TOX: variants seen among roughly 807,000 people sequenced by gnomAD.
TOX encodes the protein thymocyte selection associated high mobility group box.
TOX carries 11 observed loss-of-function variants against 53.7 expected under a neutral mutation model. That is an observed-to-expected ratio of 0.20 (90% CI 0.13 to 0.34). The LOEUF (loss-of-function observed/expected upper bound fraction) is 0.34. Among genes scored for constraint, TOX ranks in the 10% least tolerant of loss-of-function variants. The pLI is 1.00. For missense variants in TOX, 570 were observed against 664.6 expected, an observed-to-expected ratio of 0.86 and a Z score of 1.56; for synonymous variants, 225 against 245.3, an observed-to-expected ratio of 0.92 and a Z score of 0.77.
chr8:58,952,328 T>C (rs1379322471), intron 2 of TOX, among the ~76,000 whole-genome samples: 1 of 152,232 alleles, frequency 6.6e-6, no homozygotes, highest in East Asian at 1.9e-4. Context: ...ATTCAACACA[T>C]TACTATTCTT....
chr8:59,028,523 A>G (rs1424936532), intron 1 of TOX, among the ~76,000 whole-genome samples: 2 of 152,172 alleles, frequency 1.3e-5, no homozygotes, highest in African/African-American at 4.8e-5. Flanking sequence ...ACAGATATAA[A>G]CATATATCTA....
At chr8:59,069,118 A>G (rs919834836) in intron 1 of TOX, among the ~76,000 whole-genome samples, 1 of 152,208 alleles carries the variant, frequency 6.6e-6, no homozygotes, top group Non-Finnish European at 1.5e-5. Flanking sequence ...GTTGACAGCA[A>G]GACGGATGGG....
chr8:58,997,325 A>C (rs538861326), intron 1 of TOX, among the ~76,000 whole-genome samples: 198 of 152,332 alleles, frequency 1.3e-3, no homozygotes, highest in African/African-American at 4.5e-3. Context: ...AAGACTGGAG[A>C]CCAGTGGATG....
chr8:59,035,092 G>A (rs780386819), intron 1 of TOX, among the ~76,000 whole-genome samples: 45 of 152,064 alleles, frequency 3.0e-4, no homozygotes, highest in Admixed American at 2.4e-3. Flanking sequence ...TAACTGCACC[G>A]CAACCACCCC....
chr8:58,841,714 G>A (rs1252896189), intron 4 of TOX, among the ~76,000 whole-genome samples: 1 of 152,126 alleles, frequency 6.6e-6, no homozygotes, highest in Non-Finnish European at 1.5e-5. Context: ...TTAGTTTATT[G>A]TGGTAATCAT....
intron 3 of TOX, among the ~76,000 whole-genome samples, chr8:58,914,300 A>G (rs531837792): frequency 9.2e-5 from 14 of 152,336 alleles, no homozygotes; most frequent in Non-Finnish European, 1.2e-4. Context: ...CTAGTGAGCC[A>G]TGTAATTTTC....
chr8:59,074,128 G>C (rs570374764), intron 1 of TOX, among the ~76,000 whole-genome samples: 3 of 152,124 alleles, frequency 2.0e-5, no homozygotes. Flanking sequence ...TAAATCTGTC[G>C]GCAAACATGC....
At position 58,838,175 on chromosome 8, in the gene TOX, G is replaced by A. The variant is rs1309960963; in HGVS notation, c.830C>T (p.Ala277Val). The change falls in exon 5 of 9, where the codon GCC becomes GTC. Residue 277 changes from alanine (A) to valine (V), a missense_variant. This residue lies in a region of TOX where 49 missense variants were observed against 98.9 expected (regional missense o/e 0.50). Transcript: ENST00000361421. The stretch of plus-strand genomic sequence containing the variant: ...GTTTGGATTTTGGCCCTTGATGGCG[G>A]CCTGAGTATCACGAAAGAATAACGC... ...AYALFFRDTQ[A>V]AIKGQNPNAT... is the part of the protein sequence containing the mutation. 1 of 1,614,070 alleles carries A rather than the reference G, an allele frequency of 6.2e-7. No homozygotes were observed. The highest frequency in any genetic ancestry group is 8.5e-7 in the Non-Finnish European group (1 of 1,180,022).
chr8:58,963,577 C>T (rs536572773), intron 1 of TOX, among the ~76,000 whole-genome samples: 2 of 152,346 alleles, frequency 1.3e-5, no homozygotes, highest in South Asian at 4.1e-4. Context: ...TCTCTGCTCA[C>T]AGTTCCTATC....
At chr8:58,861,900 G>A (rs959056918) in intron 3 of TOX, among the ~76,000 whole-genome samples, 7 of 152,014 alleles carry the variant, frequency 4.6e-5, no homozygotes, top group Non-Finnish European at 8.8e-5. Flanking sequence ...TCATTTAGAG[G>A]CACTTAAATC....
At chr8:58,834,666 G>C (rs1810518759) in intron 5 of TOX, among the ~76,000 whole-genome samples, 1 of 152,186 alleles carries the variant, frequency 6.6e-6, no homozygotes, top group Admixed American at 6.5e-5. Context: ...GATGACTCTA[G>C]CAAACTGCTA....
intron 1 of TOX, among the ~76,000 whole-genome samples, chr8:58,982,691 C>A (rs1294638963): frequency 1.3e-5 from 2 of 152,236 alleles, no homozygotes; most frequent in African/African-American, 4.8e-5. Context: ...TTGCCATTAT[C>A]ATTTAACTGA....
chr8:58,922,939 C>T (rs922616126), intron 3 of TOX, among the ~76,000 whole-genome samples: 12 of 151,996 alleles, frequency 7.9e-5, no homozygotes, highest in Middle Eastern at 3.4e-3. Context: ...CTGGGGCAAG[C>T]GTGTTCCCAA....
At chr8:58,907,310 A>G (rs1461880626) in intron 3 of TOX, among the ~76,000 whole-genome samples, 2 of 152,200 alleles carry the variant, frequency 1.3e-5, no homozygotes, top group Non-Finnish European at 2.9e-5. Flanking sequence ...TGAGATGTTT[A>G]TGGATTATAA....
intron 3 of TOX, among the ~76,000 whole-genome samples, chr8:58,856,748 G>GTT (rs1357921712): frequency 3.5e-5 from 5 of 142,096 alleles, no homozygotes; most frequent in South Asian, 2.3e-4. Flanking sequence ...ACCTTCCTTT[G>GTT]TTTTTTTTTT....
intron 1 of TOX, among the ~76,000 whole-genome samples, chr8:58,990,725 C>T (rs1486643728): frequency 6.6e-6 from 1 of 152,118 alleles, no homozygotes; most frequent in East Asian, 1.9e-4. Flanking sequence ...AACCCATTGT[C>T]AGGAATCTCT....
chr8:58,906,945 TG>T (rs1306421011), intron 3 of TOX, among the ~76,000 whole-genome samples: 1 of 152,250 alleles, frequency 6.6e-6, no homozygotes, highest in African/African-American at 2.4e-5. Flanking sequence ...CTGATTGTCT[TG>T]GATGTCATAA....
At chr8:58,939,099 C>T (rs1043518982) in intron 3 of TOX, among the ~76,000 whole-genome samples, 11 of 152,180 alleles carry the variant, frequency 7.2e-5, no homozygotes, top group Admixed American at 7.2e-4. Context: ...AGTGACTGCA[C>T]AAGTAATTAA....
chr8:59,015,867 G>T (rs1243939227), intron 1 of TOX, among the ~76,000 whole-genome samples: 1 of 152,164 alleles, frequency 6.6e-6, no homozygotes, highest in African/African-American at 2.4e-5. Context: ...AGCTTTAATG[G>T]TTAGTCATTT....
Sources: gnomAD v4.1 joint callset for allele counts (sites outside exome capture counted in the v4.1 genomes callset) on GRCh38, gnomAD v4.1.1 for gene constraint, gnomAD v4.1.1 regional missense constraint, MANE v1.5 for transcripts, NCBI Gene and HGNC (gene_info 2026-07-23, HGNC 2026-07-21) for gene names.